GPC5: variants seen among roughly 807,000 people sequenced by gnomAD.
The protein encoded by GPC5 is glypican-5.
GPC5 carries 47 observed loss-of-function variants against 53.9 expected under a neutral mutation model. The ratio of observed to expected loss-of-function variants is 0.87; its 90% CI spans 0.69 to 1.11. The LOEUF is 1.11. Ranked by LOEUF, GPC5 falls within the 50% of genes most tolerant of loss-of-function variation. The pLI, the probability that GPC5 is intolerant of heterozygous loss-of-function variation, is 0.00. For missense variants in GPC5, 748 were observed against 713.1 expected, an observed-to-expected ratio of 1.05 and a Z score of -0.56; for synonymous variants, 286 against 263.3, an observed-to-expected ratio of 1.09 and a Z score of -0.84.
intron 7 of GPC5, among the ~76,000 whole-genome samples, chr13:92,331,502 A>C (rs368741084): frequency 3.3e-5 from 5 of 152,184 alleles, no homozygotes; most frequent in African/African-American, 1.2e-4. Context: ...GTTAATTATA[A>C]AGCAAAATAG....
At chr13:91,788,475 C>T (rs1008504778) in intron 5 of GPC5, among the ~76,000 whole-genome samples, 1 of 152,114 alleles carries the variant, frequency 6.6e-6, no homozygotes, top group African/African-American at 2.4e-5. Flanking sequence ...AAATAAGAAA[C>T]AGAAAAAATA....
intron 7 of GPC5, among the ~76,000 whole-genome samples, chr13:92,742,422 T>C (rs1222425130): frequency 6.6e-6 from 1 of 152,194 alleles, no homozygotes; most frequent in Non-Finnish European, 1.5e-5. Context: ...GCCCACTTTT[T>C]CATGGGGTTG....
rs541570048 is a variant in GPC5 at position 92,682,529 on chromosome 13, G to T, written c.1562-183753G>T. ...AGGATTTTCTTTTACTGTTCTTAAT[G>T]TAAAGCTTCTAAATTAGATATACAT... is the stretch of plus-strand genomic sequence containing the variant. On this transcript the variant is annotated intron_variant, in intron 7 of 7. Coordinates refer to ENST00000377067, the MANE Select transcript of GPC5 (RefSeq NM_004466.6). Among the ~76,000 whole-genome samples, 22 of 152,274 alleles carry T rather than the reference G, an allele frequency of 1.4e-4. No individual in the cohort carries two copies. In the South Asian group the frequency reaches 4.6e-3, roughly 32 times the overall value.
At chr13:92,728,410 T>G (rs993805397) in intron 7 of GPC5, among the ~76,000 whole-genome samples, 1 of 151,484 alleles carries the variant, frequency 6.6e-6, no homozygotes, top group African/African-American at 2.4e-5. Flanking sequence ...TTAATTTTTT[T>G]GTGGATTCCC....
At chr13:92,440,178 G>A (rs1378013478) in intron 7 of GPC5, among the ~76,000 whole-genome samples, 1 of 152,106 alleles carries the variant, frequency 6.6e-6, no homozygotes, top group Non-Finnish European at 1.5e-5. Flanking sequence ...GCTGAGGTTT[G>A]GAATATGAAT....
intron 7 of GPC5, chr13:92,448,354 T>C (rs1877918109): frequency 6.6e-6 from 1 of 152,134 alleles, no homozygotes; most frequent in South Asian, 2.1e-4. Flanking sequence ...GAATGACTCA[T>C]TTTATAATTT....
chr13:91,602,057 G>T (rs1358559955), intron 2 of GPC5, among the ~76,000 whole-genome samples: 2 of 152,188 alleles, frequency 1.3e-5, no homozygotes, highest in African/African-American at 4.8e-5. Context: ...CTTGCATCTG[G>T]TGTCTTTTCT....
chr13:91,588,007 CCTT>C (rs1162353567), intron 2 of GPC5, among the ~76,000 whole-genome samples: 1 of 152,144 alleles, frequency 6.6e-6, no homozygotes, highest in East Asian at 1.9e-4. Flanking sequence ...CTTCAAATCA[CCTT>C]TAATGTTAGC....
intron 7 of GPC5, among the ~76,000 whole-genome samples, chr13:92,684,802 T>A (rs1418974362): frequency 6.6e-6 from 1 of 152,178 alleles, no homozygotes; most frequent in Non-Finnish European, 1.5e-5. Flanking sequence ...CTTAGTGTCA[T>A]AAGAAACTGC....
intron 2 of GPC5, among the ~76,000 whole-genome samples, chr13:91,556,947 C>A (rs1310951362): frequency 6.6e-6 from 1 of 152,020 alleles, no homozygotes; most frequent in Non-Finnish European, 1.5e-5. Context: ...CAAACACCAC[C>A]TGTTCCCCCC....
chr13:92,116,522 C>G (rs775528088), intron 6 of GPC5, among the ~76,000 whole-genome samples: 1 of 152,122 alleles, frequency 6.6e-6, no homozygotes, highest in East Asian at 1.9e-4. Context: ...AGCTGCTGTA[C>G]GCATTTGTGT....
At chr13:92,789,812 A>G (rs1876397983) in intron 7 of GPC5, among the ~76,000 whole-genome samples, 1 of 152,138 alleles carries the variant, frequency 6.6e-6, no homozygotes, top group Non-Finnish European at 1.5e-5. Flanking sequence ...ATATTGACAC[A>G]CAATCACAAG....
chr13:92,219,342 T>G (rs2042432664), intron 7 of GPC5, among the ~76,000 whole-genome samples: 1 of 152,210 alleles, frequency 6.6e-6, no homozygotes, highest in Admixed American at 6.5e-5. Context: ...ACTGCCTTCC[T>G]ACTATAGTGT....
chr13:91,938,624 C>T (rs1233305122), intron 6 of GPC5, among the ~76,000 whole-genome samples: 5 of 152,094 alleles, frequency 3.3e-5, no homozygotes, highest in Non-Finnish European at 7.4e-5. Flanking sequence ...GCATCCTGTA[C>T]CCAGAAGATT....
intron 6 of GPC5, among the ~76,000 whole-genome samples, chr13:91,929,328 T>C (rs1321850405): frequency 2.0e-5 from 3 of 152,050 alleles, no homozygotes. Flanking sequence ...TTAAATTGAG[T>C]AGACTTTGTA....
chr13:92,672,110 G>A (rs1886774166), intron 7 of GPC5, among the ~76,000 whole-genome samples: 1 of 152,122 alleles, frequency 6.6e-6, no homozygotes, highest in South Asian at 2.1e-4. Flanking sequence ...CCAGACTTCA[G>A]TTTTGTTGGG....
chr13:92,464,425 T>C (rs2139414075), intron 7 of GPC5, among the ~76,000 whole-genome samples: 2 of 152,276 alleles, frequency 1.3e-5, no homozygotes, highest in Middle Eastern at 3.4e-3. Context: ...TGTGGATAAG[T>C]AAATAATAAA....
chr13:91,982,564 G>A (rs2040368963), intron 6 of GPC5, among the ~76,000 whole-genome samples: 1 of 151,968 alleles, frequency 6.6e-6, no homozygotes, highest in African/African-American at 2.4e-5. Context: ...AACATACAAA[G>A]AGTGAGTGAA....
At chr13:92,331,967 A>C (rs543121675) in intron 7 of GPC5, among the ~76,000 whole-genome samples, 24 of 152,302 alleles carry the variant, frequency 1.6e-4, no homozygotes, top group African/African-American at 5.5e-4. Context: ...CAAAGTAAGA[A>C]GTAATTACAG....
Sources: gnomAD v4.1 joint callset for allele counts (sites outside exome capture counted in the v4.1 genomes callset) on GRCh38, gnomAD v4.1.1 for gene constraint, MANE v1.5 for transcripts, NCBI Gene and HGNC (gene_info 2026-07-23, HGNC 2026-07-21) for gene names.